Variants in USP24 observed in about 807,000 individuals in gnomAD.
USP24 encodes ubiquitin carboxyl-terminal hydrolase 24.
USP24 carries 97 observed loss-of-function variants against 361.6 expected under a neutral mutation model. That is an observed-to-expected ratio of 0.27 (90% CI 0.23 to 0.32). The LOEUF (loss-of-function observed/expected upper bound fraction) is 0.32, where lower values mean the gene tolerates loss of function less well. USP24 is among the 10% of genes least tolerant of loss of function. The pLI, the probability that USP24 is intolerant of heterozygous loss-of-function variation, is 1.00. For missense variants in USP24, 2,353 were observed against 3,165.6 expected (o/e 0.74, Z 6.16); for synonymous variants, 1,098 against 1,124.6 (o/e 0.98, Z 0.47).
At chr1:55,155,272 C>A (rs956256657) in intron 12 of USP24, among the ~76,000 whole-genome samples, 1 of 152,156 alleles carries the variant, frequency 6.6e-6, no homozygotes, top group South Asian at 2.1e-4. Flanking sequence ...TGCTGCAGAG[C>A]TATAGACCCT....
intron 43 of USP24, among the ~76,000 whole-genome samples, chr1:55,101,282 A>G (rs17411167): frequency 0.1 from 15,237 of 152,266 alleles, 1,005 homozygotes; most frequent in Non-Finnish European, 0.15. Context: ...GGTAGACCCT[A>G]TATATTTCTA....
chr1:55,123,452 T>G lies in USP24; in HGVS notation c.4271A>C (p.Gln1424Pro), dbSNP rs1259687028. The change falls in exon 36 of 68, where the codon CAA (glutamine) becomes CCA (proline). Residue 1424 changes from glutamine (Q) to proline (P), a missense_variant. By Grantham distance (76) the Gln-to-Pro change is moderately conservative (BLOSUM62 -1). Coordinates refer to ENST00000294383, the MANE Select transcript of USP24 (RefSeq NM_015306.3). The part of the protein sequence containing the change: ...LVTCLQLRSQ[Q>P]LASFYNLPCV... ...CAAACAAGCCTCCAGCATACCCAGT[T>G]GCTGGCTCCGAAGCTGTAGGCACGT... 2 of 1,586,482 alleles carry G rather than the reference T, an allele frequency of 1.3e-6. No homozygotes were observed. The highest frequency in any genetic ancestry group is 8.6e-7 in the Non-Finnish European group (1 of 1,166,178).
rs1442490504 is a variant in USP24 at position 55,081,375 on chromosome 1, T to C, written c.7025A>G (p.Asn2342Ser). 12 of 1,613,792 alleles carry C rather than the reference T, an allele frequency of 7.4e-6. No homozygotes were observed. The highest frequency in any genetic ancestry group is 1.7e-4 in the Middle Eastern group (1 of 6,058). ...ATGCAAAACAAGTAACGCCACTGTATTGTGAAGATTCCCAAATTCTCGTGC... is the reference window on the plus strand; with the variant it reads ...ATGCAAAACAAGTAACGCCACTGTACTGTGAAGATTCCCAAATTCTCGTGC... The part of the protein sequence containing the change: ...AQAREFGNLH[N>S]TVALLVLHSD... The change falls in exon 59 of 68, where the codon AAT becomes AGT. Residue 2342 changes from asparagine (N) to serine (S), a missense_variant. Asn to Ser is a conservative substitution (Grantham distance 46). Around this residue, in one of 8 missense-constraint regions of USP24, gnomAD observed 598 missense variants for 761.9 expected, o/e 0.78. Coordinates refer to ENST00000294383, the MANE Select transcript of USP24 (RefSeq NM_015306.3).
At chr1:55,120,183 T>C (rs1028404705) in intron 38 of USP24, among the ~76,000 whole-genome samples, 3 of 152,158 alleles carry the variant, frequency 2.0e-5, no homozygotes, top group Non-Finnish European at 4.4e-5. Flanking sequence ...TACTGAAGCA[T>C]GTATAAAACC....
chr1:55,083,149 A>T, intron 58 of USP24, 123 bp downstream of exon 58: 1 of 825,936 alleles, frequency 1.2e-6, no homozygotes, highest in Non-Finnish European at 1.8e-6. Flanking sequence ...AAGAATTTTC[A>T]AGTCTCTATG....
chr1:55,100,431 G>A (rs1645603756), intron 44 of USP24, among the ~76,000 whole-genome samples: 1 of 151,964 alleles, frequency 6.6e-6, no homozygotes, highest in African/African-American at 2.4e-5. Flanking sequence ...AGGAGGTGGA[G>A]GTTGTGGTGA....
Position 55,207,620 on chromosome 1 carries a change from T to C in USP24, c.324+7170A>G, listed in dbSNP as rs576358816. On this transcript the variant is annotated intron_variant, in intron 1 of 67. Transcript: ENST00000294383. ...ACAGCATTTCCATTGTATTAGGTAT[T>C]ATGAGTAATCTAGGGATGACTTAAA... is the stretch of plus-strand genomic sequence containing the variant. 2.6e-5 allele frequency among the ~76,000 whole-genome samples: 4 copies of C among 152,298 alleles called. No homozygotes were observed. The South Asian group carries it at 8.3e-4, about 32-fold the overall frequency.
intron 58 of USP24, among the ~76,000 whole-genome samples, chr1:55,083,048 T>C (rs1196982479): frequency 6.6e-6 from 1 of 152,142 alleles, no homozygotes; most frequent in African/African-American, 2.4e-5. Context: ...AGAATCCACC[T>C]TTCCCTCTTA....
intron 1 of USP24, among the ~76,000 whole-genome samples, chr1:55,184,806 C>T (rs1644082016): frequency 6.6e-6 from 1 of 152,152 alleles, no homozygotes; most frequent in African/African-American, 2.4e-5. Flanking sequence ...GAAAATTAAA[C>T]AACACATTCC....
intron 65 of USP24, 143 bp downstream of exon 65, chr1:55,072,642 AG>A: frequency 2.3e-6 from 2 of 883,064 alleles, no homozygotes; most frequent in Non-Finnish European, 3.4e-6. Flanking sequence ...AATGCACACA[AG>A]ATATAAACTG....
At chr1:55,072,446 GC>G (rs752228928) in intron 65 of USP24, 43 bp from the exon 66 acceptor site, 1 of 1,494,396 alleles carries the variant, frequency 6.7e-7, no homozygotes, top group Non-Finnish European at 9.2e-7. Flanking sequence ...TGACAAATAA[GC>G]CCCCATGGGT....
chr1:55,073,693 G>A, intron 64 of USP24, 135 bp downstream of exon 64: 4 of 788,352 alleles, frequency 5.1e-6, no homozygotes, highest in South Asian at 4.7e-5. Context: ...ATAGGTTTCT[G>A]TACCTTCCAA....
intron 1 of USP24, among the ~76,000 whole-genome samples, chr1:55,201,778 G>T (rs1644582316): frequency 6.6e-6 from 1 of 152,120 alleles, no homozygotes; most frequent in Non-Finnish European, 1.5e-5. Context: ...TATAATGCAA[G>T]GCATCAAGTT....
At chr1:55,170,867 G>A (rs1448606664) in intron 5 of USP24, among the ~76,000 whole-genome samples, 1 of 152,080 alleles carries the variant, frequency 6.6e-6, no homozygotes, top group Admixed American at 6.5e-5. Flanking sequence ...TATATTAAAA[G>A]ACAGGACTGT....
chr1:55,178,224 A>AATGGTAGCTATTAATACCAATAGCATGG, intron 1 of USP24, 92 bp from the exon 2 acceptor site: 1 of 1,324,602 alleles, frequency 7.5e-7, no homozygotes. Context: ...ATACTGAATC[A>AATGGTAGCTATTAATACCAATAGCATGG]ATGGTAGCTA....
intron 12 of USP24, among the ~76,000 whole-genome samples, chr1:55,155,417 T>C (rs1001156108): frequency 5.3e-5 from 8 of 152,346 alleles, no homozygotes; most frequent in South Asian, 2.1e-4. Flanking sequence ...TCTCAATATA[T>C]ACTATGCACA....
chr1:55,183,541 A>C lies in USP24; in HGVS notation c.325-5409T>G, dbSNP rs1256141027. Among the ~76,000 whole-genome samples, 3 of 152,240 alleles carry C rather than the reference A, an allele frequency of 2.0e-5. No homozygotes were observed. The East Asian group carries it at 5.8e-4, about 29-fold the overall frequency. ...TTGAGAAAGAAACAAGGGAATTAAA[A>C]TGATACACCAGAAAATATGTATTTA... On this transcript the variant is annotated intron_variant, in intron 1 of 67. Coordinates refer to ENST00000294383, the MANE Select transcript of USP24 (RefSeq NM_015306.3).
intron 8 of USP24, among the ~76,000 whole-genome samples, chr1:55,161,067 T>G (rs1648224700): frequency 6.6e-6 from 1 of 152,006 alleles, no homozygotes; most frequent in South Asian, 2.1e-4. Flanking sequence ...AAGAAAGCAT[T>G]TAACATTTAG....
At chr1:55,120,276 G>A (rs1247063796) in intron 38 of USP24, among the ~76,000 whole-genome samples, 1 of 152,126 alleles carries the variant, frequency 6.6e-6, no homozygotes, top group Non-Finnish European at 1.5e-5. Context: ...GATGCACAAG[G>A]GGAGAGGATC....
Sources: gnomAD v4.1 joint callset for allele counts (sites outside exome capture counted in the v4.1 genomes callset) on GRCh38, gnomAD v4.1.1 for gene constraint, gnomAD v4.1.1 regional missense constraint, MANE v1.5 for transcripts, NCBI Gene and HGNC (gene_info 2026-07-23, HGNC 2026-07-21) for gene names.